The following ASXL2 variants were observed in gnomAD, a reference collection of about 807,000 sequenced individuals.
The protein encoded by ASXL2 is ASXL transcriptional regulator 2.
ASXL2 carries 23 observed loss-of-function variants against 122.0 expected under a neutral mutation model. The observed-to-expected ratio is 0.19, with a 90% confidence interval of 0.14 to 0.27. The LOEUF (loss-of-function observed/expected upper bound fraction) is 0.27. Among genes scored for constraint, ASXL2 ranks in the 10% least tolerant of loss-of-function variants. The pLI, the probability that ASXL2 is intolerant of heterozygous loss-of-function variation, is 1.00. For missense variants in ASXL2, 1,518 were observed against 1,713.8 expected, an observed-to-expected ratio of 0.89 and a Z score of 2.02; for synonymous variants, 650 against 637.0, an observed-to-expected ratio of 1.02 and a Z score of -0.31.
intron 1 of ASXL2, among the ~76,000 whole-genome samples, chr2:25,872,746 A>T (rs1286159682): frequency 6.6e-6 from 1 of 152,194 alleles, no homozygotes; most frequent in Non-Finnish European, 1.5e-5. Flanking sequence ...ATAACTGTTA[A>T]TGAAAACAGT....
intron 11 of ASXL2, among the ~76,000 whole-genome samples, chr2:25,751,808 G>T (rs1574396466): frequency 6.6e-6 from 1 of 151,400 alleles, no homozygotes; most frequent in Non-Finnish European, 1.5e-5. Flanking sequence ...TTGAGACAAG[G>T]TCTCACTTCG....
chr2:25,762,313 CAAAAAAA>C (rs35610577), intron 8 of ASXL2, among the ~76,000 whole-genome samples: 5 of 107,398 alleles, frequency 4.7e-5, no homozygotes, highest in African/African-American at 1.1e-4. Context: ...ATGAACACAC[CAAAAAAA>C]AAAAAAAAAA....
At chr2:25,773,475 C>T (rs2088491493) in intron 5 of ASXL2, among the ~76,000 whole-genome samples, 1 of 152,006 alleles carries the variant, frequency 6.6e-6, no homozygotes, top group East Asian at 1.9e-4. Context: ...ACCATCCTGG[C>T]TAACACGGTG....
rs139200567 is a variant in ASXL2 at position 25,849,064 on chromosome 2, C to CATATATATATATAT, written c.58-3502_58-3501insATATATATATATAT. On this transcript the variant is annotated intron_variant, in intron 1 of 12. Transcript: ENST00000435504. ...CCGTCTCAAAAAAAAAAAAAATTTA[C>CATATATATATATAT]ATATATATATATGGAATATTTATTT... Among the ~76,000 whole-genome samples, 485 of 86,488 alleles carry CATATATATATATAT rather than the reference C, an allele frequency of 5.6e-3. 49 individuals are homozygous for CATATATATATATAT. Among genetic ancestry groups the CATATATATATATAT allele is most frequent in the African/African-American group, 0.012 (197 of 16,538 alleles). The allele number at this position is 86,488 out of a possible 152,430, so 56.7% of individuals were successfully genotyped here. A position where few individuals can be genotyped will look rare whatever the true frequency, so the allele number is the denominator to read the frequency against.
intron 3 of ASXL2, chr2:25,810,258 T>C (rs2089148200): frequency 3.2e-6 from 2 of 625,884 alleles, no homozygotes; most frequent in South Asian, 2.8e-5. Context: ...CAAGTCTCTT[T>C]CAATGACCAC....
intron 5 of ASXL2, among the ~76,000 whole-genome samples, chr2:25,786,202 A>C (rs2149164409): frequency 6.6e-6 from 1 of 151,120 alleles, no homozygotes; most frequent in East Asian, 2.0e-4. Context: ...AACTTCATCT[A>C]CTAAAAAGTA....
chr2:25,795,827 C>G (rs1272902533), intron 5 of ASXL2, among the ~76,000 whole-genome samples: 1 of 152,124 alleles, frequency 6.6e-6, no homozygotes, highest in East Asian at 1.9e-4. Context: ...GGGATAGAGA[C>G]AGCCCTTTAC....
Position 25,768,811 on chromosome 2 carries a change from T to A in ASXL2, c.562A>T (p.Ile188Phe). 1 of 1,613,882 alleles carries A rather than the reference T, an allele frequency of 6.2e-7. No homozygotes were observed. Among genetic ancestry groups the A allele is most frequent in the Non-Finnish European group, 8.5e-7 (1 of 1,179,794 alleles). Residue 188 changes from isoleucine (I) to phenylalanine (F), a missense_variant, in exon 7 of 13, where the codon ATC becomes TTC. Physicochemically the swap from Ile to Phe is conservative, Grantham distance 21 (BLOSUM62 0). Around this residue, in one of 8 missense-constraint regions of ASXL2, gnomAD observed 198 missense variants for 209.0 expected, o/e 0.95. Coordinates refer to ENST00000435504, the MANE Select transcript of ASXL2 (RefSeq NM_018263.6). ...AGTGAGAGATGCTGGTTGGAGGAGA[T>A]GGATATGCTTGGCCTGCATTGCTGC... ...QQQQCRPSIS[I>F]SSNQHLSLKT... is the part of the protein sequence containing the mutation.
chr2:25,759,428 T>C, intron 9 of ASXL2, 54 bp downstream of exon 9: 5 of 1,550,788 alleles, frequency 3.2e-6, no homozygotes, highest in Non-Finnish European at 4.4e-6. Flanking sequence ...AATACCACTT[T>C]ACAAGTATAC....
chr2:25,878,365 G>C lies in ASXL2; in HGVS notation c.-143C>G. ...CAGACCGGGGGGGCACCCAAGCAGA[G>C]GAAGCGGCGGGGGTGGTGCGCGGGG... On this transcript the variant is annotated 5_prime_UTR_variant, in exon 1 of 13. Transcript: ENST00000435504. 1.3e-6 allele frequency: 1 copy of C among 750,234 alleles called. No homozygotes were observed. Among genetic ancestry groups the C allele is most frequent in the Non-Finnish European group, 2.2e-6 (1 of 464,314 alleles). The allele number at this position is 750,234 out of a possible 1,614,324, so 46.5% of individuals were successfully genotyped here. A position where few individuals can be genotyped will look rare whatever the true frequency, so the allele number is the denominator to read the frequency against.
intron 6 of ASXL2, among the ~76,000 whole-genome samples, 153 bp from the exon 7 acceptor site, chr2:25,769,021 T>C (rs1159504668): frequency 6.6e-6 from 1 of 152,150 alleles, no homozygotes; most frequent in Non-Finnish European, 1.5e-5. Flanking sequence ...AAGCTAACTC[T>C]CGCTTCTTGG....
intron 9 of ASXL2, among the ~76,000 whole-genome samples, chr2:25,756,472 A>G (rs1252469610): frequency 6.6e-6 from 1 of 151,320 alleles, no homozygotes; most frequent in Non-Finnish European, 1.5e-5. Flanking sequence ...AAAGAAAAAA[A>G]AAAGAAAAAA....
At chr2:25,767,785 TAATC>T (rs1162464438) in intron 7 of ASXL2, 59 bp from the exon 8 acceptor site, 28 of 1,568,354 alleles carry the variant, frequency 1.8e-5, no homozygotes, top group Middle Eastern at 1.7e-4. Context: ...CAGAATCAAT[TAATC>T]AATCATTCAA....
At chr2:25,837,953 CAA>C (rs34490545) in intron 2 of ASXL2, among the ~76,000 whole-genome samples, 18 of 65,372 alleles carry the variant, frequency 2.8e-4, no homozygotes, top group African/African-American at 3.8e-4. Context: ...CCTGTCTCTA[CAA>C]AAAAAAAAAA....
chr2:25,741,991 C>A lies in ASXL2; in HGVS notation c.*38G>T. 6.4e-7 allele frequency: 1 copy of A among 1,560,402 alleles called. No homozygotes were observed. On this transcript the variant is annotated 3_prime_UTR_variant, in exon 13 of 13. Coordinates refer to ENST00000435504, the MANE Select transcript of ASXL2 (RefSeq NM_018263.6). ...AAAAACCCAACTGGTCAACCCTTCCCTTCCCCCTCCTTTACAGTGTATCTC... is the reference window on the plus strand; with the variant it reads ...AAAAACCCAACTGGTCAACCCTTCCATTCCCCCTCCTTTACAGTGTATCTC...
rs762088026 is a variant in ASXL2 at position 25,742,818 on chromosome 2, A to G, written c.3519T>C (p.Ser1173=). The G allele has an allele frequency of 6.2e-7, 1 of 1,613,200 alleles. No homozygotes were observed. The highest frequency in any genetic ancestry group is 1.7e-5 in the Admixed American group (1 of 59,962). The part of the protein sequence containing the change: ...YTDCKNATGE[S]SSSKEDDTDE... ...CAGTGTCATCTTCTTTGCTGCTGCT[A>G]CTCTCTCCTGTTGCATTTTTACAGT... The change falls in exon 13 of 13, where the codon AGT becomes AGC. Residue 1173 remains serine, a synonymous_variant. Transcript: ENST00000435504.
At chr2:25,849,160 AG>A in intron 1 of ASXL2, among the ~76,000 whole-genome samples, 1 of 144,274 alleles carries the variant, frequency 6.9e-6, no homozygotes, top group Middle Eastern at 3.6e-3. Flanking sequence ...TTTTTAGGCC[AG>A]GAACAGTGGC....
At chr2:25,759,281 C>CT (rs1312148197) in intron 9 of ASXL2, among the ~76,000 whole-genome samples, 2 of 152,070 alleles carry the variant, frequency 1.3e-5, no homozygotes, top group African/African-American at 4.8e-5. Flanking sequence ...TCTATGGATG[C>CT]TTACATCCTA....
chr2:25,870,360 TA>T (rs576662794), intron 1 of ASXL2, among the ~76,000 whole-genome samples: 491 of 152,128 alleles, frequency 3.2e-3, no homozygotes, highest in African/African-American at 0.011. Flanking sequence ...CCATCTCTAC[TA>T]AAAATACAAA....
Sources: gnomAD v4.1 joint callset for allele counts (sites outside exome capture counted in the v4.1 genomes callset) on GRCh38, gnomAD v4.1.1 for gene constraint, gnomAD v4.1.1 regional missense constraint, MANE v1.5 for transcripts, NCBI Gene and HGNC (gene_info 2026-07-23, HGNC 2026-07-21) for gene names.